The following THEMIS variants were observed in gnomAD, a reference collection of about 807,000 sequenced individuals.
THEMIS encodes the protein protein THEMIS.
In THEMIS, 37 loss-of-function variants were observed where a neutral mutation model predicts 52.6. The observed-to-expected ratio is 0.70, with a 90% CI of 0.54 to 0.93. The LOEUF (loss-of-function observed/expected upper bound fraction) is 0.93. Among genes scored for constraint, THEMIS ranks in the 40% least tolerant of loss-of-function variants. The pLI is 0.00. For missense variants in THEMIS, 808 were observed against 763.1 expected (o/e 1.06, Z -0.69); for synonymous variants, 292 against 272.7 (o/e 1.07, Z -0.70).
intron 1 of THEMIS, among the ~76,000 whole-genome samples, chr6:127,876,264 C>A (rs1435057911): frequency 3.9e-5 from 6 of 152,140 alleles, no homozygotes; most frequent in African/African-American, 1.4e-4. Context: ...CACCAGCAGG[C>A]ACTGGCACTA....
At chr6:127,703,452 G>A (rs554709849), downstream of THEMIS, among the ~76,000 whole-genome samples, 11 of 152,282 alleles carry the variant, frequency 7.2e-5, no homozygotes, top group South Asian at 2.1e-3. Context: ...CAGATAGCAA[G>A]TACTATGTGG....
At chr6:127,893,752 A>G (rs1780880848) in intron 1 of THEMIS, among the ~76,000 whole-genome samples, 2 of 152,046 alleles carry the variant, frequency 1.3e-5, no homozygotes. Context: ...CCATCCCCCA[A>G]AATTTGTCAC....
chr6:127,717,673 C>T (rs1181989623), intron 5 of THEMIS, among the ~76,000 whole-genome samples: 1 of 151,814 alleles, frequency 6.6e-6, no homozygotes, highest in East Asian at 1.9e-4. Context: ...CAGTTGTTGA[C>T]ATTGAATACC....
rs183460948 is a variant in THEMIS, at chr6:127,897,261, C to T, written c.91+3581G>A. 1.7e-3 allele frequency among the ~76,000 whole-genome samples: 261 copies of T among 151,188 alleles called. 1 individual carries two copies. Among genetic ancestry groups the T allele is most frequent in the African/African-American group, 6.1e-3 (254 of 41,418 alleles). On this transcript the variant is annotated intron_variant, in intron 1 of 5. Transcript: ENST00000368248. ...GTAAAGAAAAAAATTGTTGACAACA[C>T]AGAAAAAGGAAAATATAAACTGACT...
intron 1 of THEMIS, among the ~76,000 whole-genome samples, chr6:127,906,137 A>G (rs1214414654): frequency 6.6e-6 from 1 of 151,434 alleles, no homozygotes; most frequent in African/African-American, 2.4e-5. Context: ...TATACAATTT[A>G]GTTATAAGTT....
intron 1 of THEMIS, among the ~76,000 whole-genome samples, chr6:127,892,303 G>A (rs1416044675): frequency 6.6e-6 from 1 of 152,164 alleles, no homozygotes; most frequent in African/African-American, 2.4e-5. Flanking sequence ...CCAGATGTGG[G>A]CAAGGCTTAT....
At chr6:127,825,334 G>A (rs1342683573) in intron 3 of THEMIS, among the ~76,000 whole-genome samples, 1 of 152,130 alleles carries the variant, frequency 6.6e-6, no homozygotes, top group East Asian at 1.9e-4. Flanking sequence ...CCCACCCCAA[G>A]TCACATTACT....
intron 4 of THEMIS, among the ~76,000 whole-genome samples, chr6:127,744,776 G>A (rs561257079): frequency 5.3e-5 from 8 of 151,864 alleles, no homozygotes; most frequent in South Asian, 2.1e-4. Flanking sequence ...TGTGGTTAAC[G>A]ATACAATCCT....
chr6:127,795,855 A>G (rs950965438), intron 4 of THEMIS, among the ~76,000 whole-genome samples: 3 of 152,232 alleles, frequency 2.0e-5, no homozygotes, highest in African/African-American at 4.8e-5. Context: ...CATTGTAAGT[A>G]ACTGATACTG....
chr6:127,787,641 A>G (rs1053917413), intron 4 of THEMIS, among the ~76,000 whole-genome samples: 3 of 152,198 alleles, frequency 2.0e-5, no homozygotes, highest in Non-Finnish European at 4.4e-5. Context: ...CACATGATAT[A>G]TACAATATCT....
chr6:127,784,246 G>A (rs891150538), intron 4 of THEMIS, among the ~76,000 whole-genome samples: 35 of 152,122 alleles, frequency 2.3e-4, no homozygotes, highest in African/African-American at 8.5e-4. Context: ...GTGAGTGGAG[G>A]GCTAGGGGAG....
intron 1 of THEMIS, among the ~76,000 whole-genome samples, chr6:127,916,388 T>A (rs1335278180): frequency 1.3e-5 from 2 of 152,160 alleles, no homozygotes; most frequent in Non-Finnish European, 2.9e-5. Context: ...TTTTTGTTTG[T>A]GGTTCCTCCT....
rs190696672 is a variant in THEMIS, at chr6:127,884,034, C to T, written c.91+16808G>A. Among the ~76,000 whole-genome samples, 3 of 152,186 alleles carry T rather than the reference C, an allele frequency of 2.0e-5. No individual in the cohort carries two copies. The East Asian group carries it at 5.8e-4, about 29-fold the overall frequency. Reference sequence around the variant, plus strand: ...GTACAGTTTTAATAATCATTAATACCCTACTACAAATCACCTGACAAAACC... The same window carrying T: ...GTACAGTTTTAATAATCATTAATACTCTACTACAAATCACCTGACAAAACC... On this transcript the variant is annotated intron_variant, in intron 1 of 5. Coordinates refer to ENST00000368248, the MANE Select transcript of THEMIS (RefSeq NM_001010923.3).
chr6:127,771,767 C>T (rs890913781), intron 4 of THEMIS, among the ~76,000 whole-genome samples: 10 of 152,126 alleles, frequency 6.6e-5, no homozygotes, highest in Non-Finnish European at 8.8e-5. Context: ...AGTTACACTA[C>T]GAACTTTCCC....
chr6:127,759,857 T>TC (rs1775961907), intron 4 of THEMIS, among the ~76,000 whole-genome samples: 1 of 93,650 alleles, frequency 1.1e-5, no homozygotes. Flanking sequence ...CCTCCCTCCC[T>TC]CCTTCCTTCC....
intron 4 of THEMIS, among the ~76,000 whole-genome samples, chr6:127,734,153 T>A (rs12661121): frequency 0.07 from 10,600 of 152,142 alleles, 374 homozygotes; most frequent in Non-Finnish European, 0.086. Flanking sequence ...TTTTAAAAGA[T>A]CAACAATTGC....
chr6:127,698,731 A>G, the THEMIS span, among the ~76,000 whole-genome samples: 1 of 151,960 alleles, frequency 6.6e-6, no homozygotes, highest in African/African-American at 2.4e-5. Context: ...AAAATTCCTA[A>G]TGGGTAGAAG....
chr6:127,912,459 C>G (rs1562336292), intron 1 of THEMIS, among the ~76,000 whole-genome samples: 1 of 152,144 alleles, frequency 6.6e-6, no homozygotes, highest in East Asian at 1.9e-4. Context: ...TTCCTGGGAG[C>G]AGGCTGAGTT....
At chr6:127,884,909 C>T (rs1294614817) in intron 1 of THEMIS, among the ~76,000 whole-genome samples, 1 of 152,110 alleles carries the variant, frequency 6.6e-6, no homozygotes, top group East Asian at 1.9e-4. Context: ...TGTATGTGTG[C>T]ACACACGCAT....
Sources: gnomAD v4.1 joint callset for allele counts (sites outside exome capture counted in the v4.1 genomes callset) on GRCh38, gnomAD v4.1.1 for gene constraint, MANE v1.5 for transcripts, NCBI Gene and HGNC (gene_info 2026-07-23, HGNC 2026-07-21) for gene names.